The following PPARGC1A variants were observed in gnomAD, a reference collection of about 807,000 sequenced individuals.
PPARGC1A encodes the protein peroxisome proliferator-activated receptor gamma coactivator 1-alpha.
A neutral mutation model predicts 88.7 loss-of-function variants in PPARGC1A; 25 were observed. That is an observed-to-expected ratio of 0.28 (90% CI 0.21 to 0.39). PPARGC1A has a LOEUF of 0.39. PPARGC1A is among the 10% of genes least tolerant of loss of function. PPARGC1A has a pLI of 1.00. For missense variants in PPARGC1A, 880 were observed against 968.7 expected, an observed-to-expected ratio of 0.91 and a Z score of 1.22; for synonymous variants, 363 against 355.6, an observed-to-expected ratio of 1.02 and a Z score of -0.24.
At chr4:23,945,316 G>C in the PPARGC1A span, among the ~76,000 whole-genome samples, 1 of 151,914 alleles carries the variant, frequency 6.6e-6, no homozygotes, top group African/African-American at 2.4e-5. Context: ...AAACATTAAT[G>C]AAAAAGAAAA....
chr4:24,095,792 G>A, the PPARGC1A span, among the ~76,000 whole-genome samples: 1 of 152,180 alleles, frequency 6.6e-6, no homozygotes, highest in Admixed American at 6.5e-5. Flanking sequence ...CTTCTCTGGA[G>A]GGTAGGAATG....
intron 11 of PPARGC1A, 91 bp from the exon 12 acceptor site, chr4:23,801,972 C>T (rs745506006): frequency 3.4e-6 from 5 of 1,479,208 alleles, no homozygotes; most frequent in Non-Finnish European, 4.6e-6. Context: ...TTCTCCAGTG[C>T]CAACGTCTGA....
At chr4:23,910,353 T>TATTATATA in the PPARGC1A span, among the ~76,000 whole-genome samples, 3 of 85,078 alleles carry the variant, frequency 3.5e-5, no homozygotes, top group African/African-American at 1.6e-4. Flanking sequence ...ATATATTATA[T>TATTATATA]ATATTATATA....
At chr4:23,884,361 AAAGGCCTTCTT>A (rs1246249379) in intron 2 of PPARGC1A, 1 of 233,318 alleles carries the variant, frequency 4.3e-6, no homozygotes, top group Non-Finnish European at 8.2e-6. Context: ...GGTTAAAAAG[AAAGGCCTTCTT>A]ATTTATTAAT....
chr4:23,997,004 A>G, the PPARGC1A span, among the ~76,000 whole-genome samples: 1 of 152,214 alleles, frequency 6.6e-6, no homozygotes, highest in African/African-American at 2.4e-5. Flanking sequence ...GCTCTGTAGG[A>G]AAGATGCTAT....
the PPARGC1A span, among the ~76,000 whole-genome samples, chr4:24,412,441 T>C: frequency 6.6e-6 from 1 of 152,226 alleles, no homozygotes; most frequent in Non-Finnish European, 1.5e-5. Flanking sequence ...GAAAATTACA[T>C]GGAATTCAAA....
At chr4:23,821,249 A>T (rs1010045662) in intron 7 of PPARGC1A, among the ~76,000 whole-genome samples, 2 of 152,160 alleles carry the variant, frequency 1.3e-5, no homozygotes, top group African/African-American at 4.8e-5. Flanking sequence ...TCCATTAGAT[A>T]GCTTGTGTCA....
Position 23,795,646 on chromosome 4 carries a change from ATTG to A in PPARGC1A, c.*173_*175del, listed in dbSNP as rs1233397106. On this transcript the variant is annotated 3_prime_UTR_variant, in exon 13 of 13. Transcript: ENST00000264867. The stretch of plus-strand genomic sequence containing the variant: ...TTCAGCAGCTGTGTTCATGTAAACC[ATTG>A]TTGTTATTGTTGTTGTTGTTCTTGT... 33 of 556,436 alleles carry A rather than the reference ATTG, an allele frequency of 5.9e-5. No individual in the cohort carries two copies. The highest frequency in any genetic ancestry group is 3.7e-4 in the Middle Eastern group (1 of 2,682). The allele number at this position is 556,436 out of a possible 1,614,324, so 34.5% of individuals were successfully genotyped here.
At chr4:23,923,116 G>GTTTTTTTT in the PPARGC1A span, among the ~76,000 whole-genome samples, 2 of 131,686 alleles carry the variant, frequency 1.5e-5, no homozygotes, top group African/African-American at 2.8e-5. Context: ...TTTGTTGCTT[G>GTTTTTTTT]TTTTTTTTTT....
At chr4:24,252,803 G>A in the PPARGC1A span, among the ~76,000 whole-genome samples, 33 of 152,278 alleles carry the variant, frequency 2.2e-4, no homozygotes, top group African/African-American at 7.7e-4. Context: ...CGTTTTGTAG[G>A]ACAGATACCT....
chr4:24,284,982 C>T, the PPARGC1A span, among the ~76,000 whole-genome samples: 4 of 152,000 alleles, frequency 2.6e-5, no homozygotes, highest in South Asian at 2.1e-4. Flanking sequence ...GAGCCACGAT[C>T]GGGCCACTGC....
At chr4:24,402,617 G>A in the PPARGC1A span, among the ~76,000 whole-genome samples, 1 of 152,216 alleles carries the variant, frequency 6.6e-6, no homozygotes, top group East Asian at 1.9e-4. Context: ...TTTGTCCTAA[G>A]ACAGTACACA....
chr4:24,461,503 G>A, the PPARGC1A span, among the ~76,000 whole-genome samples: 1 of 152,138 alleles, frequency 6.6e-6, no homozygotes, highest in Non-Finnish European at 1.5e-5. Context: ...GAAAGAGAGG[G>A]TGAAGATGAC....
chr4:23,817,060 C>T (rs1043250934), intron 7 of PPARGC1A, among the ~76,000 whole-genome samples: 8 of 152,144 alleles, frequency 5.3e-5, no homozygotes, highest in African/African-American at 1.9e-4. Flanking sequence ...GTGTCTGCCG[C>T]ACGCCACTTT....
the PPARGC1A span, among the ~76,000 whole-genome samples, chr4:24,210,984 A>G: frequency 4.6e-5 from 7 of 152,174 alleles, no homozygotes; most frequent in African/African-American, 1.7e-4. Flanking sequence ...ATTTTAAAGC[A>G]CTTCAGATTT....
At chr4:24,078,906 AC>A in the PPARGC1A span, among the ~76,000 whole-genome samples, 1 of 152,074 alleles carries the variant, frequency 6.6e-6, no homozygotes, top group Non-Finnish European at 1.5e-5. Context: ...AGTTTCCACT[AC>A]TTGTATTTAA....
At chr4:24,329,737 G>A in the PPARGC1A span, among the ~76,000 whole-genome samples, 1 of 152,184 alleles carries the variant, frequency 6.6e-6, no homozygotes, top group East Asian at 1.9e-4. Context: ...CAGGGACTTT[G>A]TCTATCATAT....
chr4:24,310,283 C>A, the PPARGC1A span, among the ~76,000 whole-genome samples: 1 of 152,006 alleles, frequency 6.6e-6, no homozygotes, highest in African/African-American at 2.4e-5. Flanking sequence ...CTAGGATCAA[C>A]TAAAAACCAC....
At chr4:24,215,806 A>G in the PPARGC1A span, among the ~76,000 whole-genome samples, 183 of 152,320 alleles carry the variant, frequency 1.2e-3, no homozygotes, top group African/African-American at 4.2e-3. Context: ...AGCATTTACT[A>G]TACTAAGCAG....
Sources: gnomAD v4.1 joint callset for allele counts (sites outside exome capture counted in the v4.1 genomes callset) on GRCh38, gnomAD v4.1.1 for gene constraint, MANE v1.5 for transcripts, NCBI Gene and HGNC (gene_info 2026-07-23, HGNC 2026-07-21) for gene names.